SYNE1: variants seen among roughly 807,000 people sequenced by gnomAD.
SYNE1 encodes the protein spectrin repeat containing nuclear envelope protein 1.
Under a neutral mutation model 1,111.0 loss-of-function variants are expected in SYNE1, and 616 were observed. The ratio of observed to expected loss-of-function variants is 0.55; its 90% CI spans 0.52 to 0.59. The LOEUF (loss-of-function observed/expected upper bound fraction) is 0.59. Among genes scored for constraint, SYNE1 ranks in the 20% least tolerant of loss-of-function variants. The pLI, the probability that SYNE1 is intolerant of heterozygous loss-of-function variation, is 0.00. For missense variants in SYNE1, 10,006 were observed against 10,417.0 expected (o/e 0.96, Z 1.72); for synonymous variants, 3,855 against 3,825.8 (o/e 1.01, Z -0.28).
At chr6:152,157,489 C>T (rs554967034) in intron 131 of SYNE1, among the ~76,000 whole-genome samples, 8 of 152,210 alleles carry the variant, frequency 5.3e-5, no homozygotes, top group Admixed American at 3.9e-4. Flanking sequence ...GGGAATAAGT[C>T]TTAATGTTCG....
At chr6:152,205,409 TG>T (rs1490400020) in intron 126 of SYNE1, among the ~76,000 whole-genome samples, 1 of 152,220 alleles carries the variant, frequency 6.6e-6, no homozygotes, top group Non-Finnish European at 1.5e-5. Flanking sequence ...GTCCTCACAA[TG>T]GCCACATGGA....
chr6:152,340,140 A>G (rs749379025), intron 74 of SYNE1, among the ~76,000 whole-genome samples: 1 of 152,230 alleles, frequency 6.6e-6, no homozygotes, highest in Non-Finnish European at 1.5e-5. Flanking sequence ...CTGCCACTTC[A>G]GGGACAGTGT....
Position 152,352,159 on chromosome 6 carries a change from A to G in SYNE1, c.11448T>C (p.His3816=). Residue 3816 remains histidine (H), a synonymous_variant, in exon 70 of 146, where the codon CAT becomes CAC. Coordinates refer to ENST00000367255, the MANE Select transcript of SYNE1 (RefSeq NM_182961.4). ...KEHMTLEKGL[H]LAKEFSDKCK... ...ATTTATCTGAGAATTCCTTTGCTAA[A>G]TGAAGACCTTTTTCCAGCGTCATGT... 6.2e-7 allele frequency: 1 copy of G among 1,614,200 alleles called. No homozygotes were observed. Among genetic ancestry groups the G allele is most frequent in the South Asian group, 1.1e-5 (1 of 91,084 alleles).
intron 55 of SYNE1, among the ~76,000 whole-genome samples, chr6:152,382,834 A>G (rs1225305514): frequency 6.6e-6 from 1 of 152,194 alleles, no homozygotes; most frequent in Non-Finnish European, 1.5e-5. Context: ...GCAATCAGAA[A>G]TCTAGTCATT....
chr6:152,253,679 A>G (rs1049013658), intron 104 of SYNE1, among the ~76,000 whole-genome samples: 1 of 152,126 alleles, frequency 6.6e-6, no homozygotes, highest in Non-Finnish European at 1.5e-5. Context: ...TTTTGTGAAT[A>G]AAAAAATGAA....
chr6:152,186,292 T>C (rs1440552362), intron 128 of SYNE1, among the ~76,000 whole-genome samples: 3 of 151,946 alleles, frequency 2.0e-5, no homozygotes, highest in Non-Finnish European at 2.9e-5. Flanking sequence ...CACGGTGGCT[T>C]ACGCCTGTCA....
intron 124 of SYNE1, 89 bp downstream of exon 124, chr6:152,211,401 AAGAT>A: frequency 1.9e-6 from 2 of 1,049,564 alleles, no homozygotes; most frequent in Non-Finnish European, 2.9e-6. Flanking sequence ...TTGCCTCAGG[AAGAT>A]TGGATATATG....
At position 152,358,454 on chromosome 6, in the gene SYNE1, C is replaced by A. The variant is rs142859220; in HGVS notation, c.10527G>T (p.Gly3509=). The A allele has an allele frequency of 8.1e-6, 13 of 1,614,156 alleles. No individual in the cohort carries two copies. In the African/African-American group the frequency reaches 1.7e-4, roughly 22 times the overall value. Residue 3509 remains glycine (G), a synonymous_variant, in exon 66 of 146, where the codon GGG becomes GGT. Transcript: ENST00000367255. ...ACTGGTCGAGCTTTTCTTGTTCTTG[C>A]CCCAACCAAACTTCAAATGCCTTTA... is the stretch of plus-strand genomic sequence containing the variant. ...RDLKAFEVWL[G]QEQEKLDQYS...
chr6:152,426,590 G>C, intron 38 of SYNE1, among the ~76,000 whole-genome samples: 1 of 152,268 alleles, frequency 6.6e-6, no homozygotes, highest in South Asian at 2.1e-4. Flanking sequence ...ATGTAGCCTT[G>C]AGTCAGTGTC....
chr6:152,483,390 T>G lies in SYNE1; in HGVS notation c.1186-141A>C, dbSNP rs939619637. 3 of 791,902 alleles carry G rather than the reference T, an allele frequency of 3.8e-6. No homozygotes were observed. In the East Asian group the frequency reaches 7.9e-5, roughly 21 times the overall value. The allele number at this position is 791,902 out of a possible 1,614,324, so 49.1% of individuals were successfully genotyped here. The stretch of plus-strand genomic sequence containing the variant: ...AGTTAATAAATATCAAATAAGCAAA[T>G]GTCTGTGTTCTGAGTTTGACACTTT... On this transcript the variant is annotated intron_variant, in intron 13 of 145. Transcript: ENST00000367255.
chr6:152,455,254 G>T (rs1168311497), intron 24 of SYNE1, among the ~76,000 whole-genome samples, 172 bp downstream of exon 24: 6 of 152,186 alleles, frequency 3.9e-5, no homozygotes, highest in Admixed American at 3.9e-4. Context: ...CAACTCTCTT[G>T]AAGTTCTTTT....
intron 105 of SYNE1, 35 bp downstream of exon 105, chr6:152,249,126 C>T (rs1483679209): frequency 2.3e-6 from 3 of 1,318,672 alleles, no homozygotes; most frequent in Admixed American, 1.7e-5. Context: ...CTCCTCTATG[C>T]ATTTTCTCTT....
intron 6 of SYNE1, among the ~76,000 whole-genome samples, chr6:152,516,378 A>C (rs1343482820): frequency 6.6e-6 from 1 of 152,206 alleles, no homozygotes; most frequent in Non-Finnish European, 1.5e-5. Flanking sequence ...TGTTCCGTGA[A>C]AATGGACATT....
intron 124 of SYNE1, among the ~76,000 whole-genome samples, chr6:152,209,385 A>T (rs1451042781): frequency 1.3e-5 from 2 of 152,204 alleles, no homozygotes; most frequent in South Asian, 4.1e-4. Context: ...TCAACAAAAC[A>T]AGTATTAAAA....
chr6:152,193,877 G>T (rs2073314918), intron 127 of SYNE1, among the ~76,000 whole-genome samples: 1 of 151,836 alleles, frequency 6.6e-6, no homozygotes, highest in South Asian at 2.1e-4. Flanking sequence ...GCCGGGCGTG[G>T]TGGTGGGTGC....
intron 3 of SYNE1, among the ~76,000 whole-genome samples, chr6:152,600,100 T>A (rs534555416): frequency 6.6e-6 from 1 of 152,240 alleles, no homozygotes; most frequent in Admixed American, 6.5e-5. Context: ...CTCCATTAAA[T>A]GCAGTAGCAG....
rs1593640101 is a variant in SYNE1, at chr6:152,483,267, G to A, written c.1186-18C>T. On this transcript the variant is annotated intron_variant, in intron 13 of 145. Coordinates refer to ENST00000367255, the MANE Select transcript of SYNE1 (RefSeq NM_182961.4). ...TCAAAGAGCTAAAATTTAAAAAGCAGAAAAGTAAAATATCTTTAATACAGA... is the reference window on the plus strand; with the variant it reads ...TCAAAGAGCTAAAATTTAAAAAGCAAAAAAGTAAAATATCTTTAATACAGA... The A allele has an allele frequency of 1.2e-6, 2 of 1,611,768 alleles. No homozygotes were observed. The highest frequency in any genetic ancestry group is 2.2e-5 in the South Asian group (2 of 91,008).
chr6:152,634,429 A>G (rs1364361905), intron 2 of SYNE1, among the ~76,000 whole-genome samples: 1 of 152,228 alleles, frequency 6.6e-6, no homozygotes, highest in Non-Finnish European at 1.5e-5. Context: ...TCTTTTGCTG[A>G]AGAGAGTTCA....
At chr6:152,508,281 A>G (rs1340431332) in intron 8 of SYNE1, among the ~76,000 whole-genome samples, 2 of 152,230 alleles carry the variant, frequency 1.3e-5, no homozygotes, top group Non-Finnish European at 2.9e-5. Context: ...TGCAGCTACA[A>G]AAGAAATGGA....
Sources: gnomAD v4.1 joint callset for allele counts (sites outside exome capture counted in the v4.1 genomes callset) on GRCh38, gnomAD v4.1.1 for gene constraint, MANE v1.5 for transcripts, NCBI Gene and HGNC (gene_info 2026-07-23, HGNC 2026-07-21) for gene names.